The following METTL8 variants were observed in gnomAD, a reference collection of about 807,000 sequenced individuals.
METTL8 encodes the protein tRNA N(3)-cytidine methyltransferase METTL8, mitochondrial.
METTL8 carries 32 observed loss-of-function variants against 48.7 expected under a neutral mutation model. The ratio of observed to expected loss-of-function variants is 0.66; its 90% CI spans 0.50 to 0.88. The LOEUF (loss-of-function observed/expected upper bound fraction) is 0.88, where lower values mean the gene tolerates loss of function less well. Ranked by LOEUF, METTL8 falls within the 40% of genes least tolerant of loss-of-function variation. The pLI, the probability that METTL8 is intolerant of heterozygous loss-of-function variation, is 0.00. For missense variants in METTL8, 464 were observed against 474.4 expected (o/e 0.98, Z 0.20); for synonymous variants, 136 against 157.1 (o/e 0.87, Z 1.01).
Position 171,321,716 on chromosome 2 carries a change from T to G in METTL8, c.*2456A>C, listed in dbSNP as rs1684530127. 6.6e-6 allele frequency: 1 copy of G among 152,186 alleles called. No homozygotes were observed. The allele number at this position is 152,186 out of a possible 1,614,324, so 9.4% of individuals were successfully genotyped here. On this transcript the variant is annotated 3_prime_UTR_variant, in exon 10 of 10. Transcript: ENST00000375258. ...TTGAGTGTTTGTATATTGTCTTAGATCATGATTTACAGGTTTGGGATATGC... is the reference window on the plus strand; with the variant it reads ...TTGAGTGTTTGTATATTGTCTTAGAGCATGATTTACAGGTTTGGGATATGC...
intron 3 of METTL8, among the ~76,000 whole-genome samples, chr2:171,355,819 G>A (rs912973175): frequency 3.3e-5 from 5 of 152,216 alleles, no homozygotes; most frequent in African/African-American, 9.6e-5. Context: ...CGTTGGAAAA[G>A]CGCAGTATTA....
chr2:171,384,435 A>G (rs1236876716), intron 2 of METTL8, among the ~76,000 whole-genome samples: 1 of 152,202 alleles, frequency 6.6e-6, no homozygotes, highest in Non-Finnish European at 1.5e-5. Context: ...ACTTGAGCCC[A>G]GGTGGTCGAG....
intron 3 of METTL8, among the ~76,000 whole-genome samples, chr2:171,358,474 T>C (rs1253365864): frequency 6.6e-6 from 1 of 152,066 alleles, no homozygotes; most frequent in Non-Finnish European, 1.5e-5. Context: ...CATTGACTGA[T>C]GGAAGAGAAT....
At chr2:171,366,315 A>G (rs544307414) in intron 2 of METTL8, among the ~76,000 whole-genome samples, 1 of 152,306 alleles carries the variant, frequency 6.6e-6, no homozygotes, top group African/African-American at 2.4e-5. Context: ...GAACCACACT[A>G]GACTCAGGAT....
At chr2:171,343,011 TA>T (rs576481307) in intron 3 of METTL8, among the ~76,000 whole-genome samples, 9 of 149,124 alleles carry the variant, frequency 6.0e-5, no homozygotes, top group South Asian at 2.1e-4. Flanking sequence ...TGTCTCTACT[TA>T]AAAAAAAAAT....
At chr2:171,360,574 G>A (rs780894829) in intron 2 of METTL8, 61 bp from the exon 3 acceptor site, 25 of 1,407,488 alleles carry the variant, frequency 1.8e-5, no homozygotes, top group Non-Finnish European at 2.4e-5. Flanking sequence ...GAAAAAAGGT[G>A]ACAAGGAACC....
intron 2 of METTL8, among the ~76,000 whole-genome samples, chr2:171,373,262 G>T (rs1481954525): frequency 2.6e-5 from 4 of 152,158 alleles, no homozygotes; most frequent in Admixed American, 6.5e-5. Flanking sequence ...TCATGTGTCT[G>T]TCGGCTGCAT....
intron 2 of METTL8, among the ~76,000 whole-genome samples, chr2:171,382,067 C>T (rs187690867): frequency 1.2e-3 from 177 of 152,238 alleles, no homozygotes; most frequent in Middle Eastern, 3.4e-3. Flanking sequence ...CAGGCATGAG[C>T]CACCGCGCCC....
chr2:171,368,507 CT>C (rs1685948192), intron 2 of METTL8, among the ~76,000 whole-genome samples: 1 of 151,722 alleles, frequency 6.6e-6, no homozygotes. Context: ...TTCTGGAAAG[CT>C]TGTGTCCACC....
intron 7 of METTL8, among the ~76,000 whole-genome samples, chr2:171,328,932 A>T (rs972962307): frequency 6.6e-6 from 1 of 151,282 alleles, no homozygotes; most frequent in Admixed American, 6.6e-5. Flanking sequence ...CAGGTGATCC[A>T]CCCGCCTTGG....
chr2:171,402,948 TA>T (rs1451825365), intron 1 of METTL8, among the ~76,000 whole-genome samples: 1 of 151,968 alleles, frequency 6.6e-6, no homozygotes, highest in Non-Finnish European at 1.5e-5. Flanking sequence ...AGCAACAAAA[TA>T]AAAAGTAGTT....
Position 171,317,110 on chromosome 2 carries a change from G to A in METTL8, c.*7062C>T, listed in dbSNP as rs947550453. Among the ~76,000 whole-genome samples, 9 of 152,182 alleles carry A rather than the reference G, an allele frequency of 5.9e-5. No individual in the cohort carries two copies. The highest frequency in any genetic ancestry group is 1.3e-4 in the Admixed American group (2 of 15,274). On this transcript the variant is annotated 3_prime_UTR_variant, in exon 10 of 10. Transcript: ENST00000375258. Reference sequence around the variant, plus strand: ...ACAAAAAAGCCCCACTAATGCAGTGGACTCAGCAGCGGGCTCATTGCTAAT... The same window carrying A: ...ACAAAAAAGCCCCACTAATGCAGTGAACTCAGCAGCGGGCTCATTGCTAAT...
intron 9 of METTL8, among the ~76,000 whole-genome samples, chr2:171,325,250 A>G (rs1034696489): frequency 3.3e-5 from 5 of 152,072 alleles, no homozygotes; most frequent in African/African-American, 4.8e-5. Flanking sequence ...CAGTGGTCCA[A>G]TCATAGCTCA....
intron 1 of METTL8, among the ~76,000 whole-genome samples, chr2:171,415,347 A>ATTTTT (rs1691200746): frequency 7.3e-5 from 10 of 136,468 alleles, no homozygotes; most frequent in Non-Finnish European, 1.4e-4. Context: ...ATATCTCGAA[A>ATTTTT]TCTTTTTTTT....
Position 171,402,588 on chromosome 2 carries a change from T to A in METTL8, c.-12-10391A>T, listed in dbSNP as rs139080271. On this transcript the variant is annotated intron_variant, in intron 1 of 9. Transcript: ENST00000375258. ...CGTTATATATAGAAATATCTGTAGA[T>A]ATGTATGTATACATTCATTAGTATA... 6.3e-3 allele frequency among the ~76,000 whole-genome samples: 965 copies of A among 152,286 alleles called. 5 individuals are homozygous for A. Among genetic ancestry groups the A allele is most frequent in the African/African-American group, 0.021 (856 of 41,566 alleles).
chr2:171,375,092 C>G, intron 2 of METTL8: 10 of 1,194,324 alleles, frequency 8.4e-6, no homozygotes, highest in Non-Finnish European at 1.2e-5. Context: ...TTGGGAAGCA[C>G]ATAGGCATTG....
rs1684284317 is a variant in METTL8 at position 171,316,805 on chromosome 2, A to G, written c.*7367T>C. On this transcript the variant is annotated 3_prime_UTR_variant, in exon 10 of 10. Coordinates refer to ENST00000375258, the MANE Select transcript of METTL8 (RefSeq NM_001321154.2). ...AGGCAGAAATTTCTTTCTTGTTTCAATGCAGCATGTGATACTGGCAATTTC... is the reference window on the plus strand; with the variant it reads ...AGGCAGAAATTTCTTTCTTGTTTCAGTGCAGCATGTGATACTGGCAATTTC... Among the ~76,000 whole-genome samples the G allele has an allele frequency of 6.6e-6, 1 of 152,234 alleles. No individual in the cohort carries two copies. The highest frequency in any genetic ancestry group is 2.1e-4 in the South Asian group (1 of 4,832).
intron 1 of METTL8, among the ~76,000 whole-genome samples, chr2:171,421,173 C>T (rs1345007301): frequency 6.6e-6 from 1 of 152,172 alleles, no homozygotes; most frequent in Non-Finnish European, 1.5e-5. Flanking sequence ...ACAATTATTA[C>T]TATTAAATGG....
intron 1 of METTL8, among the ~76,000 whole-genome samples, chr2:171,409,665 C>A (rs1367285920): frequency 6.6e-6 from 1 of 152,108 alleles, no homozygotes; most frequent in Non-Finnish European, 1.5e-5. Context: ...AGAAGGCTCT[C>A]GCTTTTCTAA....
Sources: gnomAD v4.1 joint callset for allele counts (sites outside exome capture counted in the v4.1 genomes callset) on GRCh38, gnomAD v4.1.1 for gene constraint, MANE v1.5 for transcripts, NCBI Gene and HGNC (gene_info 2026-07-23, HGNC 2026-07-21) for gene names.